Variants in VPS18 observed in about 807,000 individuals in gnomAD.
VPS18 encodes VPS18 core subunit of CORVET and HOPS complexes, also known as vacuolar protein sorting-associated protein 18 homolog.
A neutral mutation model predicts 82.0 loss-of-function variants in VPS18; 25 were observed. That is an observed-to-expected ratio of 0.30 (90% CI 0.22 to 0.43). The LOEUF (loss-of-function observed/expected upper bound fraction) is 0.43. VPS18 is among the 20% of genes least tolerant of loss of function. The pLI is 1.00. For synonymous variants in VPS18, 523 were observed against 543.0 expected, an observed-to-expected ratio of 0.96 and a Z score of 0.51; for missense variants, 1,168 against 1,311.1, an observed-to-expected ratio of 0.89 and a Z score of 1.69.
intron 2 of VPS18, among the ~76,000 whole-genome samples, chr15:40,897,528 C>T (rs1485531003): frequency 6.6e-6 from 1 of 152,138 alleles, no homozygotes; most frequent in Non-Finnish European, 1.5e-5. Flanking sequence ...TGAATTTTCT[C>T]AGTTGGGAAT....
intron 2 of VPS18, chr15:40,898,703 G>C: frequency 1.6e-6 from 1 of 630,342 alleles, no homozygotes; most frequent in East Asian, 2.8e-5. Context: ...AAACTCCTGA[G>C]CTCAAGCAAT....
At position 40,902,169 on chromosome 15, in the gene VPS18, G is replaced by A. The variant is rs1429092004; in HGVS notation, c.2197-447G>A. Among the ~76,000 whole-genome samples the A allele has an allele frequency of 6.7e-6, 1 of 150,326 alleles. No individual in the cohort carries two copies. The highest frequency in any genetic ancestry group is 1.5e-5 in the Non-Finnish European group (1 of 67,778). On this transcript the variant is annotated intron_variant, in intron 4 of 4. Coordinates refer to ENST00000220509, the MANE Select transcript of VPS18 (RefSeq NM_020857.3). This position sits in a 1 kb window ranked among gnomAD's most constrained non-coding sequence, Gnocchi z 4.2. ...GCTCTGTTTCCCAGGCAGGAGTGCA[G>A]TGGCCCAATCTCGGCTCACTGCAAG... is the stretch of plus-strand genomic sequence containing the variant.
rs1892338739 is a variant in VPS18, at chr15:40,900,676, C to T, written c.1858C>T (p.Arg620Trp). Reference protein sequence around the residue: ...LVDAWIEMGSRLDARQLIPAL... With the variant: ...LVDAWIEMGSWLDARQLIPAL... ...AGATGCCTGGATTGAGATGGGCAGC[C>T]GGCTGGATGCTCGTCAGCTCATTCC... Residue 620 changes from arginine to tryptophan, a missense_variant, in exon 4 of 5, where the codon CGG becomes TGG. By Grantham distance (101) the Arg-to-Trp change is moderately radical. Coordinates refer to ENST00000220509, the MANE Select transcript of VPS18 (RefSeq NM_020857.3). The surrounding 1 kb of genome is among the most constrained non-coding windows in gnomAD (Gnocchi z 5.4). The T allele has an allele frequency of 2.5e-6, 4 of 1,614,156 alleles. No homozygotes were observed. The highest frequency in any genetic ancestry group is 2.2e-5 in the East Asian group (1 of 44,890).
intron 2 of VPS18, 79 bp from the exon 3 acceptor site, chr15:40,898,828 T>C (rs1419359663): frequency 7.1e-7 from 1 of 1,407,038 alleles, no homozygotes; most frequent in Non-Finnish European, 9.9e-7. Context: ...CTATGGCTTT[T>C]ATCAGATTAT....
intron 4 of VPS18, among the ~76,000 whole-genome samples, chr15:40,901,306 A>G (rs139288020): frequency 6.6e-6 from 1 of 152,332 alleles, no homozygotes; most frequent in East Asian, 1.9e-4. Flanking sequence ...TGTGTATGAA[A>G]AGTACGCAGG....
intron 2 of VPS18, among the ~76,000 whole-genome samples, chr15:40,896,546 C>T (rs957913788): frequency 1.3e-5 from 2 of 151,298 alleles, no homozygotes; most frequent in South Asian, 4.2e-4. Flanking sequence ...TGCAGTGGCT[C>T]ACACCTGTTA....
In VPS18 at chr15:40,903,590, C is replaced by A. The variant is rs1484367483; in HGVS notation, c.*249C>A. The A allele has an allele frequency of 2.3e-6, 1 of 438,756 alleles. No homozygotes were observed. Among genetic ancestry groups the A allele is most frequent in the Non-Finnish European group, 3.9e-6 (1 of 259,258 alleles). 27.2% of individuals were successfully genotyped at this position (438,756 alleles called of 1,614,324 possible). ...CTGCCTCCCAGTAGAGGCCCTTCAC[C>A]TGGAGAAGTCAGAAATCTGACCCAA... is the stretch of plus-strand genomic sequence containing the variant. On this transcript the variant is annotated 3_prime_UTR_variant, in exon 5 of 5. Coordinates refer to ENST00000220509, the MANE Select transcript of VPS18 (RefSeq NM_020857.3).
At position 40,899,681 on chromosome 15, in the gene VPS18, T is replaced by C. The variant is rs568472346; in HGVS notation, c.863T>C (p.Met288Thr). 2 of 1,613,794 alleles carry C rather than the reference T, an allele frequency of 1.2e-6. No individual in the cohort carries two copies. The highest frequency in any genetic ancestry group is 1.1e-5 in the South Asian group (1 of 91,084). ...GCACCCCGGGCCTTCGCCTGGATGA[T>C]GGGGGATGGTGTGTTGTATGGGGCA... ...RSAPRAFAWM[M>T]GDGVLYGALD... Residue 288 changes from methionine (M) to threonine (T), a missense_variant, in exon 4 of 5, where the codon ATG (methionine) becomes ACG (threonine). By Grantham distance (81) the Met-to-Thr change is moderately conservative. This residue lies in a region of VPS18 where 868 missense variants were observed against 939.8 expected (regional missense o/e 0.92). Transcript: ENST00000220509. The surrounding 1 kb of genome is among the most constrained non-coding windows in gnomAD (Gnocchi z 4.4).
chr15:40,894,893 G>T (rs1394437960), intron 1 of VPS18, 34 bp downstream of exon 1: 1 of 1,538,080 alleles, frequency 6.5e-7, no homozygotes, highest in South Asian at 1.2e-5. Flanking sequence ...GCCCCTTTCG[G>T]CTCTCCTAGC....
rs1261126553 is a variant in VPS18, at chr15:40,903,106, AGG to A, written c.2688_2689del (p.Glu897AlafsTer38). ...CCAGCCTACAAGCAGGCCCGGCTGG[AGG>A]AGCTGCAGAGGAAGCTGGGGGCTGC... On this transcript the variant is annotated frameshift_variant, in exon 5 of 5. Coordinates refer to ENST00000220509, the MANE Select transcript of VPS18 (RefSeq NM_020857.3). LOFTEE classifies it high-confidence loss of function. The A allele has an allele frequency of 6.2e-7, 1 of 1,613,244 alleles. No individual in the cohort carries two copies. Among genetic ancestry groups the A allele is most frequent in the Admixed American group, 1.7e-5 (1 of 59,898 alleles).
In VPS18 at chr15:40,902,477, T is replaced by TGTGGCA. The variant is rs924329555; in HGVS notation, c.2197-137_2197-132dup. The TGTGGCA allele has an allele frequency of 7.6e-6, 9 of 1,184,338 alleles. No individual in the cohort carries two copies. Among genetic ancestry groups the TGTGGCA allele is most frequent in the Non-Finnish European group, 1.0e-5 (9 of 866,456 alleles). 73.4% of individuals were successfully genotyped at this position (1,184,338 alleles called of 1,614,324 possible). A position where few individuals can be genotyped will look rare whatever the true frequency, so the allele number is the denominator to read the frequency against. On this transcript the variant is annotated intron_variant, in intron 4 of 4. Transcript: ENST00000220509. The surrounding 1 kb of genome is among the most constrained non-coding windows in gnomAD (Gnocchi z 4.2). ...CTACTCTAAGTAGCTTTTACATAGC[T>TGTGGCA]GTGGCAGCGGCAGGCCCCCTTGCTT...
In VPS18 at chr15:40,896,085, CAA is replaced by C. The variant is rs1238118759; in HGVS notation, c.233+7_233+8del. On this transcript the variant is annotated splice_region_variant and intron_variant, in intron 2 of 4. Transcript: ENST00000220509. The stretch of plus-strand genomic sequence containing the variant: ...GGCAAGGATACACTGCTCCGGTAAT[CAA>C]GAGCTCACAGAGCTTAGGAGTAGGG... 6.2e-7 allele frequency: 1 copy of C among 1,614,120 alleles called. No individual in the cohort carries two copies. The highest frequency in any genetic ancestry group is 1.7e-5 in the Admixed American group (1 of 60,028).
chr15:40,898,122 G>A (rs544386203), intron 2 of VPS18, among the ~76,000 whole-genome samples: 22 of 151,956 alleles, frequency 1.4e-4, no homozygotes, highest in South Asian at 4.2e-4. Context: ...GCCTGCCACC[G>A]CGCCCGGCTA....
intron 1 of VPS18, among the ~76,000 whole-genome samples, chr15:40,895,276 C>T (rs952707838): frequency 6.6e-6 from 1 of 152,052 alleles, no homozygotes; most frequent in Non-Finnish European, 1.5e-5. Context: ...AAGGGAGGGT[C>T]CCAGAGGGAA....
chr15:40,900,043 G>A lies in VPS18; in HGVS notation c.1225G>A (p.Asp409Asn), dbSNP rs1027429757. Reference sequence around the variant, plus strand: ...CACCTATCTGGACATGAACCGCTTCGATCTGGCCAAAGAGTATTGTCGAGA... The same window carrying A: ...CACCTATCTGGACATGAACCGCTTCAATCTGGCCAAAGAGTATTGTCGAGA... ...WRTYLDMNRFDLAKEYCRERP... is the reference protein window; with the variant it reads ...WRTYLDMNRFNLAKEYCRERP... Residue 409 changes from aspartate (D) to asparagine (N), a missense_variant, in exon 4 of 5, where the codon GAT (aspartate) becomes AAT (asparagine). Physicochemically the swap from Asp to Asn is conservative, Grantham distance 23. Transcript: ENST00000220509. This position sits in a 1 kb window ranked among gnomAD's most constrained non-coding sequence, Gnocchi z 5.4. 35 of 1,613,764 alleles carry A rather than the reference G, an allele frequency of 2.2e-5. No homozygotes were observed. The highest frequency in any genetic ancestry group is 4.5e-5 in the East Asian group (2 of 44,894).
chr15:40,898,731 C>T (rs1170008246), intron 2 of VPS18, 176 bp from the exon 3 acceptor site: 1 of 720,366 alleles, frequency 1.4e-6, no homozygotes, highest in Non-Finnish European at 2.4e-6. Context: ...CCTCGGACTC[C>T]CAAAGTGCTG....
chr15:40,902,952 G>A lies in VPS18; in HGVS notation c.2533G>A (p.Gly845Ser), dbSNP rs998775186. 8 of 1,614,132 alleles carry A rather than the reference G, an allele frequency of 5.0e-6. No individual in the cohort carries two copies. Among genetic ancestry groups the A allele is most frequent in the Middle Eastern group, 1.6e-4 (1 of 6,084 alleles). ...RDLQELRGRY[G>S]TVEPQDKCAT... ...CCTGCAGGAGCTGCGGGGCCGCTAC[G>A]GCACTGTGGAGCCCCAGGACAAATG... Residue 845 changes from glycine (G) to serine (S), a missense_variant, in exon 5 of 5, where the codon GGC becomes AGC. This residue lies in a region of VPS18 where 296 missense variants were observed against 354.0 expected (regional missense o/e 0.84). Coordinates refer to ENST00000220509, the MANE Select transcript of VPS18 (RefSeq NM_020857.3). The surrounding 1 kb of genome is among the most constrained non-coding windows in gnomAD (Gnocchi z 4.2).
Position 40,903,396 on chromosome 15 carries a change from C to T in VPS18, c.*55C>T, listed in dbSNP as rs1892400296. On this transcript the variant is annotated 3_prime_UTR_variant, in exon 5 of 5. Coordinates refer to ENST00000220509, the MANE Select transcript of VPS18 (RefSeq NM_020857.3). ...AATGGGGAGCAGTGGCTTGAACCCA[C>T]TTGAGAAGGCTGCCTCCTAGGCTCT... 6.6e-7 allele frequency: 1 copy of T among 1,508,540 alleles called. No individual in the cohort carries two copies. Among genetic ancestry groups the T allele is most frequent in the Non-Finnish European group, 8.9e-7 (1 of 1,129,892 alleles). 93.4% of individuals were successfully genotyped at this position (1,508,540 alleles called of 1,614,324 possible). A position where few individuals can be genotyped will look rare whatever the true frequency, so the allele number is the denominator to read the frequency against.
chr15:40,900,865 C>G lies in VPS18; in HGVS notation c.2047C>G (p.Leu683Val), dbSNP rs142492943. 1 of 1,614,144 alleles carries G rather than the reference C, an allele frequency of 6.2e-7. No individual in the cohort carries two copies. The highest frequency in any genetic ancestry group is 1.3e-5 in the African/African-American group (1 of 75,064). ...CCGGCCGGACTCACTACTGGCCTATCTGGAGCAGGCTGGGGCCAGCCCCCA... is the reference window on the plus strand; with the variant it reads ...CCGGCCGGACTCACTACTGGCCTATGTGGAGCAGGCTGGGGCCAGCCCCCA... The part of the protein sequence containing the change: ...RGRPDSLLAY[L>V]EQAGASPHRV... The change falls in exon 4 of 5, where the codon CTG becomes GTG. Residue 683 changes from leucine to valine, a missense_variant. By Grantham distance (32) the Leu-to-Val change is conservative. This residue lies in a region of VPS18 where 868 missense variants were observed against 939.8 expected (regional missense o/e 0.92). Coordinates refer to ENST00000220509, the MANE Select transcript of VPS18 (RefSeq NM_020857.3). The surrounding 1 kb of genome is among the most constrained non-coding windows in gnomAD (Gnocchi z 5.4).
Sources: gnomAD v4.1 joint callset for allele counts (sites outside exome capture counted in the v4.1 genomes callset) on GRCh38, gnomAD v4.1.1 for gene constraint, gnomAD v4.1.1 regional missense constraint, Gnocchi (gnomAD v3.1) non-coding constraint, MANE v1.5 for transcripts, NCBI Gene and HGNC (gene_info 2026-07-23, HGNC 2026-07-21) for gene names.